MSH4: variants seen among roughly 807,000 people sequenced by gnomAD.
MSH4 encodes the protein mutS protein homolog 4.
In MSH4, 106 loss-of-function variants were observed where a neutral mutation model predicts 113.7. The observed-to-expected ratio is 0.93, with a 90% CI of 0.80 to 1.10. MSH4 has a LOEUF of 1.10. MSH4 is among the 50% of genes least tolerant of loss of function. MSH4 has a pLI of 0.00. For missense variants in MSH4, 1,061 were observed against 1,093.7 expected, an observed-to-expected ratio of 0.97 and a Z score of 0.42; for synonymous variants, 368 against 380.2, an observed-to-expected ratio of 0.97 and a Z score of 0.37.
At chr1:75,833,213 G>A (rs1650745718) in intron 7 of MSH4, among the ~76,000 whole-genome samples, 1 of 152,082 alleles carries the variant, frequency 6.6e-6, no homozygotes, top group African/African-American at 2.4e-5. Flanking sequence ...AAATACCTAG[G>A]AATCCAACTT....
At chr1:75,819,888 T>G (rs1036540593) in intron 6 of MSH4, among the ~76,000 whole-genome samples, 12 of 152,032 alleles carry the variant, frequency 7.9e-5, no homozygotes, top group African/African-American at 2.9e-4. Flanking sequence ...TTTTTGTATT[T>G]TTTTTTCAGT....
chr1:75,886,611 G>A lies in MSH4; in HGVS notation c.2108-2640G>A, dbSNP rs1263076866. Reference sequence around the variant, plus strand: ...TATAATGTATTATATATTATATAATGTATAATATATAAATATATAAATATA... The same window carrying A: ...TATAATGTATTATATATTATATAATATATAATATATAAATATATAAATATA... On this transcript the variant is annotated intron_variant, in intron 15 of 19. Coordinates refer to ENST00000263187, the MANE Select transcript of MSH4 (RefSeq NM_002440.4). Among the ~76,000 whole-genome samples, 10 of 110,872 alleles carry A rather than the reference G, an allele frequency of 9.0e-5. No individual in the cohort carries two copies. The South Asian group carries it at 2.3e-3, about 26-fold the overall frequency. 72.7% of individuals were successfully genotyped at this position (110,872 alleles called of 152,430 possible).
intron 19 of MSH4, among the ~76,000 whole-genome samples, chr1:75,904,690 T>C (rs902483969): frequency 2.6e-5 from 4 of 152,006 alleles, no homozygotes; most frequent in African/African-American, 7.2e-5. Flanking sequence ...TTTATTTATT[T>C]ACTGTTTTGC....
chr1:75,815,158 T>G (rs1257518786), intron 5 of MSH4, 22 bp downstream of exon 5: 14 of 1,287,442 alleles, frequency 1.1e-5, no homozygotes, highest in Admixed American at 2.6e-5. Flanking sequence ...ATTTATTTAT[T>G]TTTTTACTAG....
chr1:75,882,081 C>G (rs1651946351), intron 14 of MSH4, among the ~76,000 whole-genome samples: 2 of 151,962 alleles, frequency 1.3e-5, no homozygotes, highest in African/African-American at 2.4e-5. Flanking sequence ...TGGGATGTAT[C>G]TTAAGATTTT....
intron 9 of MSH4, among the ~76,000 whole-genome samples, chr1:75,874,843 ACT>A (rs1651783065): frequency 6.6e-6 from 1 of 152,196 alleles, no homozygotes; most frequent in African/African-American, 2.4e-5. Context: ...CAAAATGCAT[ACT>A]TTCAGAGTCT....
intron 9 of MSH4, among the ~76,000 whole-genome samples, chr1:75,875,502 A>T (rs1028226762): frequency 3.3e-5 from 5 of 152,142 alleles, no homozygotes; most frequent in Non-Finnish European, 7.3e-5. Flanking sequence ...TATGACAAAA[A>T]CCATTATTAA....
At chr1:75,802,010 A>G (rs1365987136) in intron 1 of MSH4, among the ~76,000 whole-genome samples, 1 of 152,058 alleles carries the variant, frequency 6.6e-6, no homozygotes, top group Non-Finnish European at 1.5e-5. Context: ...CTCTACAAAA[A>G]TACAAAAAAT....
intron 7 of MSH4, among the ~76,000 whole-genome samples, chr1:75,840,581 A>T (rs1650935268): frequency 6.7e-6 from 1 of 148,940 alleles, no homozygotes; most frequent in Middle Eastern, 3.4e-3. Context: ...TGATGAGTTA[A>T]TGGGTGCAGC....
At chr1:75,871,441 A>C (rs1380772768) in intron 9 of MSH4, among the ~76,000 whole-genome samples, 2 of 152,204 alleles carry the variant, frequency 1.3e-5, no homozygotes, top group Non-Finnish European at 2.9e-5. Flanking sequence ...ATGCCAATGG[A>C]AATATGGAAA....
At chr1:75,812,643 G>A (rs192468335) in intron 4 of MSH4, among the ~76,000 whole-genome samples, 67 of 152,224 alleles carry the variant, frequency 4.4e-4, no homozygotes, top group Non-Finnish European at 8.5e-4. Context: ...GCAGCGAGCC[G>A]AGATTGTGCC....
At chr1:75,851,460 G>A (rs1038799519) in intron 8 of MSH4, among the ~76,000 whole-genome samples, 1 of 151,960 alleles carries the variant, frequency 6.6e-6, no homozygotes, top group African/African-American at 2.4e-5. Flanking sequence ...CACCCAGGCT[G>A]GAGTGCAGTG....
At chr1:75,876,014 C>T (rs1357299795) in intron 9 of MSH4, among the ~76,000 whole-genome samples, 1 of 152,024 alleles carries the variant, frequency 6.6e-6, no homozygotes, top group African/African-American at 2.4e-5. Context: ...TATAAAATTA[C>T]CTCAGGCTAT....
At chr1:75,912,671 TA>T in intron 19 of MSH4, 24 bp from the exon 20 acceptor site, 5 of 1,243,298 alleles carry the variant, frequency 4.0e-6, no homozygotes, top group African/African-American at 2.1e-5. Flanking sequence ...TATATATATA[TA>T]TATTTTTTTT....
At chr1:75,899,992 TA>T (rs1212204127) in intron 19 of MSH4, among the ~76,000 whole-genome samples, 1 of 151,806 alleles carries the variant, frequency 6.6e-6, no homozygotes, top group Non-Finnish European at 1.5e-5. Flanking sequence ...GATGAGGAAA[TA>T]AATCTATTTT....
rs1190610093 is a variant in MSH4 at position 75,813,502 on chromosome 1, A to G, written c.700-1519A>G. ...GAGCTTCAGTTTTTTTCATCAGTAAATTAGGGACAATAGGAGATACCAACC... is the reference window on the plus strand; with the variant it reads ...GAGCTTCAGTTTTTTTCATCAGTAAGTTAGGGACAATAGGAGATACCAACC... On this transcript the variant is annotated intron_variant, in intron 4 of 19. Coordinates refer to ENST00000263187, the MANE Select transcript of MSH4 (RefSeq NM_002440.4). Among the ~76,000 whole-genome samples, 3 of 152,156 alleles carry G rather than the reference A, an allele frequency of 2.0e-5. 1 individual carries two copies. Among genetic ancestry groups the G allele is most frequent in the Non-Finnish European group, 2.9e-5 (2 of 68,030 alleles).
At chr1:75,804,271 G>A (rs1353600690) in intron 2 of MSH4, among the ~76,000 whole-genome samples, 1 of 151,872 alleles carries the variant, frequency 6.6e-6, no homozygotes, top group South Asian at 2.1e-4. Context: ...CTAAATCTAT[G>A]AGATTTTCTT....
intron 8 of MSH4, among the ~76,000 whole-genome samples, chr1:75,853,554 T>C (rs1307442725): frequency 6.6e-6 from 1 of 152,188 alleles, no homozygotes; most frequent in Non-Finnish European, 1.5e-5. Context: ...CCCATTTAAT[T>C]AATAAGTATT....
chr1:75,853,696 A>G (rs571782581), intron 8 of MSH4, among the ~76,000 whole-genome samples: 4 of 152,068 alleles, frequency 2.6e-5, no homozygotes, highest in South Asian at 2.1e-4. Flanking sequence ...ATAGTCTATT[A>G]CTGTCAATAT....
Sources: allele counts gnomAD v4.1 joint callset (sites outside exome capture counted in the v4.1 genomes callset), GRCh38; gene constraint gnomAD v4.1.1; transcripts MANE v1.5; gene names NCBI Gene and HGNC (gene_info 2026-07-23, HGNC 2026-07-21).